Variants in SUCO observed in about 807,000 individuals in gnomAD.
SUCO encodes SUN domain-containing ossification factor.
A neutral mutation model predicts 148.1 loss-of-function variants in SUCO; 57 were observed. That is an observed-to-expected ratio of 0.38 (90% CI 0.31 to 0.48). The LOEUF (loss-of-function observed/expected upper bound fraction) is 0.48. Ranked by LOEUF, SUCO falls within the 20% of genes least tolerant of loss-of-function variation. The probability of loss-of-function intolerance (pLI) is 0.96; values close to 1 mark genes in which losing one functional copy is unlikely to be tolerated. For synonymous variants in SUCO, 470 were observed against 502.7 expected (o/e 0.93, Z 0.87); for missense variants, 1,331 against 1,468.2 (o/e 0.91, Z 1.53).
chr1:172,565,862 C>A (rs904628664), intron 6 of SUCO, among the ~76,000 whole-genome samples: 24 of 152,232 alleles, frequency 1.6e-4, no homozygotes, highest in African/African-American at 5.5e-4. Flanking sequence ...ACGATGGGGG[C>A]TTTTAACTGA....
At chr1:172,584,863 G>T (rs1203634874) in intron 15 of SUCO, among the ~76,000 whole-genome samples, 155 bp from the exon 16 acceptor site, 1 of 152,132 alleles carries the variant, frequency 6.6e-6, no homozygotes, top group Non-Finnish European at 1.5e-5. Context: ...AAATTTATTT[G>T]TGTCCTATAT....
Position 172,589,316 on chromosome 1 carries a change from C to T in SUCO, c.2215C>T (p.Pro739Ser), listed in dbSNP as rs1278031583. Residue 739 changes from proline (P) to serine (S), a missense_variant, in exon 18 of 24, where the codon CCA becomes TCA. By Grantham distance (74) the Pro-to-Ser change is moderately conservative (BLOSUM62 -1). This residue lies in a region of SUCO where 992 missense variants were observed against 1,093.5 expected (regional missense o/e 0.91). Coordinates refer to ENST00000263688, the MANE Select transcript of SUCO (RefSeq NM_014283.5). ...TCAGTCTCTTCTTTTAGATATTACC[C>T]CAGAAATCAATCCCTTGCCTAAAAT... The part of the protein sequence containing the change: ...LSQSLLLDIT[P>S]EINPLPKIEV... 1 of 1,613,334 alleles carries T rather than the reference C, an allele frequency of 6.2e-7. No individual in the cohort carries two copies. The highest frequency in any genetic ancestry group is 1.1e-5 in the South Asian group (1 of 90,994).
intron 22 of SUCO, among the ~76,000 whole-genome samples, chr1:172,607,454 A>G (rs1452317217): frequency 1.3e-5 from 2 of 151,582 alleles, no homozygotes; most frequent in Non-Finnish European, 2.9e-5. Context: ...GTATCTTATT[A>G]CACTAAACTT....
chr1:172,590,102 T>C (rs941323472), intron 18 of SUCO, among the ~76,000 whole-genome samples, 176 bp downstream of exon 18: 1 of 152,074 alleles, frequency 6.6e-6, no homozygotes, highest in Non-Finnish European at 1.5e-5. Context: ...CCTTAATGAA[T>C]TGATTTTTTG....
chr1:172,593,634 C>G (rs1347450890), intron 19 of SUCO, among the ~76,000 whole-genome samples: 2 of 152,118 alleles, frequency 1.3e-5, no homozygotes, highest in African/African-American at 4.8e-5. Context: ...CCAACTTGAT[C>G]GTGGTGGGTA....
At position 172,588,268 on chromosome 1, in the gene SUCO, G is replaced by A. The variant is rs139956737; in HGVS notation, c.1659-492G>A. ...CCAACCTAGCTGCCTTTTGAAAATA[G>A]GGTATTCAAGTACAAAGTGCACTCA... On this transcript the variant is annotated intron_variant, in intron 17 of 23. Coordinates refer to ENST00000263688, the MANE Select transcript of SUCO (RefSeq NM_014283.5). The A allele has an allele frequency of 9.9e-4, 971 of 985,194 alleles. 1 individual carries two copies. Among genetic ancestry groups the A allele is most frequent in the Non-Finnish European group, 1.1e-3 (886 of 829,848 alleles). 61.0% of individuals were successfully genotyped at this position (985,194 alleles called of 1,614,324 possible).
At chr1:172,602,024 G>A (rs767974911) in intron 20 of SUCO, 40 bp from the exon 21 acceptor site, 1 of 1,530,898 alleles carries the variant, frequency 6.5e-7, no homozygotes. Context: ...TTCCTAATAT[G>A]ATTTCCTATG....
chr1:172,584,286 C>T, intron 15 of SUCO: 1 of 476,428 alleles, frequency 2.1e-6, no homozygotes, highest in Non-Finnish European at 2.7e-6. Flanking sequence ...AAAGCATTTG[C>T]TTTTTTACAC....
chr1:172,539,013 C>T lies in SUCO; in HGVS notation c.62+5516C>T, dbSNP rs973904714. Among the ~76,000 whole-genome samples, 18 of 152,224 alleles carry T rather than the reference C, an allele frequency of 1.2e-4. No individual in the cohort carries two copies. The East Asian group carries it at 2.5e-3, about 21-fold the overall frequency. ...GAGGATATACTGGAATGGAAGCAGGCAGTAGGGTTGACAGGCAATGGAAAA... is the reference window on the plus strand; with the variant it reads ...GAGGATATACTGGAATGGAAGCAGGTAGTAGGGTTGACAGGCAATGGAAAA... On this transcript the variant is annotated intron_variant, in intron 1 of 23. Transcript: ENST00000263688.
intron 19 of SUCO, among the ~76,000 whole-genome samples, chr1:172,593,311 G>T (rs1656814686): frequency 6.6e-6 from 1 of 152,194 alleles, no homozygotes; most frequent in Non-Finnish European, 1.5e-5. Context: ...CCAGCACTAT[G>T]TTGAATAGGA....
Position 172,557,299 on chromosome 1 carries a change from A to T in SUCO, c.463A>T (p.Thr155Ser), listed in dbSNP as rs760448939. Residue 155 changes from threonine (T) to serine (S), a missense_variant, in exon 5 of 24, where the codon ACT becomes TCT. Thr to Ser is a moderately conservative substitution (Grantham distance 58, BLOSUM62 1). Transcript: ENST00000263688. ...TTTTAGTGAAATAGAAAAATCTGGT[A>T]CTATTCCGATAGCCAAACCAAGTGA... ...SKLDEIEKSG[T>S]IPIAKPSETE... 8.1e-6 allele frequency: 13 copies of T among 1,613,672 alleles called. No homozygotes were observed. The highest frequency in any genetic ancestry group is 1.1e-5 in the Non-Finnish European group (13 of 1,179,790).
Position 172,541,737 on chromosome 1 carries a change from C to G in SUCO, c.62+8240C>G, listed in dbSNP as rs569195434. Among the ~76,000 whole-genome samples, 5 of 152,336 alleles carry G rather than the reference C, an allele frequency of 3.3e-5. No individual in the cohort carries two copies. In the East Asian group the frequency reaches 9.6e-4, roughly 29 times the overall value. ...CCATCTCAATGCAAAGAGATATTTA[C>G]TTAGGCTTCAGTGTGCTGTATCCTA... On this transcript the variant is annotated intron_variant, in intron 1 of 23. Transcript: ENST00000263688.
Position 172,610,653 on chromosome 1 carries a change from A to G in SUCO, c.*394A>G, listed in dbSNP as rs1658158890. 6.3e-6 allele frequency: 1 copy of G among 157,778 alleles called. No individual in the cohort carries two copies. Among genetic ancestry groups the G allele is most frequent in the Non-Finnish European group, 1.4e-5 (1 of 71,840 alleles). 9.8% of individuals were successfully genotyped at this position (157,778 alleles called of 1,614,324 possible). A position where few individuals can be genotyped will look rare whatever the true frequency, so the allele number is the denominator to read the frequency against. On this transcript the variant is annotated 3_prime_UTR_variant, in exon 24 of 24. Coordinates refer to ENST00000263688, the MANE Select transcript of SUCO (RefSeq NM_014283.5). The stretch of plus-strand genomic sequence containing the variant: ...TTTTGTCTATTTATAATGCCACTGG[A>G]AGAGGAGGGATAACTTTTTCTGTTA...
In SUCO at chr1:172,588,741, A is replaced by G; in HGVS notation, c.1659-19A>G. The stretch of plus-strand genomic sequence containing the variant: ...ACTTCTAAGTAAGTGATTTATAATT[A>G]TGATATATGTATTTCTAGGTATGTA... On this transcript the variant is annotated intron_variant, in intron 17 of 23. Coordinates refer to ENST00000263688, the MANE Select transcript of SUCO (RefSeq NM_014283.5). The G allele has an allele frequency of 1.5e-6, 2 of 1,366,304 alleles. No homozygotes were observed. The highest frequency in any genetic ancestry group is 2.4e-5 in the South Asian group (1 of 42,396). 84.6% of individuals were successfully genotyped at this position (1,366,304 alleles called of 1,614,324 possible). A position where few individuals can be genotyped will look rare whatever the true frequency, so the allele number is the denominator to read the frequency against.
chr1:172,608,048 T>G, intron 22 of SUCO: 1 of 982,336 alleles, frequency 1.0e-6, no homozygotes, highest in Non-Finnish European at 1.2e-6. Flanking sequence ...TTTGTCAGTG[T>G]GGGGGTGGGG....
upstream of SUCO, chr1:172,532,813 G>C (rs370196297): frequency 1.3e-6 from 2 of 1,594,130 alleles, no homozygotes; most frequent in South Asian, 1.1e-5. Flanking sequence ...TCCACTGTAA[G>C]GGGAAATGCT....
rs778939193 is a variant in SUCO at position 172,610,377 on chromosome 1, T to C, written c.*118T>C. 18 of 1,412,760 alleles carry C rather than the reference T, an allele frequency of 1.3e-5. No homozygotes were observed. The highest frequency in any genetic ancestry group is 1.7e-5 in the Non-Finnish European group (18 of 1,078,414). The allele number at this position is 1,412,760 out of a possible 1,614,324, so 87.5% of individuals were successfully genotyped here. A position where few individuals can be genotyped will look rare whatever the true frequency, so the allele number is the denominator to read the frequency against. ...TATTAATGGGAAAGGCATTCAGAAA[T>C]TATGGTTTCTACCTTTTTAAAAAGT... On this transcript the variant is annotated 3_prime_UTR_variant, in exon 24 of 24. Transcript: ENST00000263688.
chr1:172,533,006 G>T (rs1043676628), upstream of SUCO: 16 of 1,421,448 alleles, frequency 1.1e-5, no homozygotes, highest in Non-Finnish European at 1.5e-5. Context: ...CGGGCGCCGC[G>T]GGACTTGGGT....
chr1:172,553,382 C>T lies in SUCO; in HGVS notation c.288+12C>T, dbSNP rs374461584. The T allele has an allele frequency of 9.7e-6, 15 of 1,541,980 alleles. No individual in the cohort carries two copies. Among genetic ancestry groups the T allele is most frequent in the East Asian group, 2.3e-5 (1 of 43,546 alleles). ...TTGTGGATGTACAAGTAAGCTATGT[C>T]GCTTTGATTTTCAATAATATGTCAT... On this transcript the variant is annotated intron_variant, in intron 3 of 23. Coordinates refer to ENST00000263688, the MANE Select transcript of SUCO (RefSeq NM_014283.5).
Sources: allele counts gnomAD v4.1 joint callset (sites outside exome capture counted in the v4.1 genomes callset), GRCh38; gene constraint gnomAD v4.1.1; regional missense constraint gnomAD v4.1.1; transcripts MANE v1.5; gene names NCBI Gene and HGNC (gene_info 2026-07-23, HGNC 2026-07-21).